Variants in MDGA2 observed in about 807,000 individuals in gnomAD.
The protein encoded by MDGA2 is MAM domain containing glycosylphosphatidylinositol anchor 2, also known as MAM domain-containing glycosylphosphatidylinositol anchor protein 2.
Under a neutral mutation model 117.8 loss-of-function variants are expected in MDGA2, and 40 were observed. The ratio of observed to expected loss-of-function variants is 0.34; its 90% CI spans 0.26 to 0.44. MDGA2 has a LOEUF of 0.44. MDGA2 is among the 20% of genes least tolerant of loss of function. The pLI is 1.00. For missense variants in MDGA2, 1,123 were observed against 1,250.6 expected (o/e 0.90, Z 1.54); for synonymous variants, 452 against 439.0 (o/e 1.03, Z -0.37).
rs2138254206 is a variant in MDGA2 at position 46,840,434 on chromosome 14, A to T, written c.*1497T>A. On this transcript the variant is annotated 3_prime_UTR_variant, in exon 17 of 17. Coordinates refer to ENST00000399232, the MANE Select transcript of MDGA2 (RefSeq NM_001113498.3). ...TTCATAACCAACAGGTTTAAGTGAA[A>T]TTTACAATGCATTGGAAAACTGGCT... The T allele has an allele frequency of 6.6e-6, 1 of 152,616 alleles. No homozygotes were observed. The highest frequency in any genetic ancestry group is 6.6e-5 in the Admixed American group (1 of 15,252). The allele number at this position is 152,616 out of a possible 1,614,324, so 9.5% of individuals were successfully genotyped here.
At chr14:46,857,972 T>C (rs972454623) in intron 14 of MDGA2, among the ~76,000 whole-genome samples, 3 of 152,006 alleles carry the variant, frequency 2.0e-5, no homozygotes, top group African/African-American at 7.2e-5. Context: ...TCTAACAATA[T>C]TTTCTGCCAC....
intron 1 of MDGA2, among the ~76,000 whole-genome samples, chr14:47,616,184 T>C (rs1004454365): frequency 6.6e-6 from 1 of 152,194 alleles, no homozygotes; most frequent in Non-Finnish European, 1.5e-5. Flanking sequence ...GCCATTACTG[T>C]CAAATTTGAC....
chr14:47,163,760 A>G (rs1329490980), intron 3 of MDGA2, among the ~76,000 whole-genome samples: 1 of 152,200 alleles, frequency 6.6e-6, no homozygotes, highest in Non-Finnish European at 1.5e-5. Context: ...CTAGTCCCAT[A>G]ATTCATTGGT....
intron 6 of MDGA2, among the ~76,000 whole-genome samples, chr14:47,091,251 C>T (rs1229108940): frequency 6.6e-6 from 1 of 152,126 alleles, no homozygotes; most frequent in Non-Finnish European, 1.5e-5. Flanking sequence ...TCTCACTAAA[C>T]ACATGTTTAT....
chr14:47,550,099 C>T (rs1895552198), intron 1 of MDGA2, among the ~76,000 whole-genome samples: 1 of 152,174 alleles, frequency 6.6e-6, no homozygotes. Context: ...CTTTTGTCCT[C>T]ATGATTTCAA....
chr14:46,965,636 C>G (rs60317871), intron 8 of MDGA2, among the ~76,000 whole-genome samples: 17,918 of 152,034 alleles, frequency 0.12, 2,007 homozygotes, highest in African/African-American at 0.27. Context: ...ATAGATGGTT[C>G]ATTTTAAGCA....
At chr14:46,945,699 C>T (rs997028331) in intron 9 of MDGA2, among the ~76,000 whole-genome samples, 11 of 152,088 alleles carry the variant, frequency 7.2e-5, no homozygotes, top group African/African-American at 1.9e-4. Context: ...TGCTCATATA[C>T]AGCAAATTCC....
intron 3 of MDGA2, chr14:47,200,710 C>T (rs542349107): frequency 1.1e-6 from 1 of 930,228 alleles, no homozygotes. Context: ...TCTCCTTCCT[C>T]TTCTCCTGCA....
chr14:47,653,573 A>G (rs1387890652), intron 1 of MDGA2, among the ~76,000 whole-genome samples: 1 of 152,180 alleles, frequency 6.6e-6, no homozygotes, highest in Non-Finnish European at 1.5e-5. Context: ...AAACCTCGCC[A>G]AAAGAAGTTC....
At position 46,882,009 on chromosome 14, in the gene MDGA2, TATAA is replaced by T. The variant is rs570544571; in HGVS notation, c.2416+31_2416+34del. The stretch of plus-strand genomic sequence containing the variant: ...CCAAAATTTTCCATATAGTTAAATA[TATAA>T]ATAAATAATTTTAAATGAAAGGCTA... On this transcript the variant is annotated intron_variant, in intron 11 of 16. Coordinates refer to ENST00000399232, the MANE Select transcript of MDGA2 (RefSeq NM_001113498.3). 5.1e-4 allele frequency: 716 copies of T among 1,406,102 alleles called. 2 individuals are homozygous for T. Among genetic ancestry groups the T allele is most frequent in the Middle Eastern group, 2.5e-3 (10 of 3,942 alleles). 87.1% of individuals were successfully genotyped at this position (1,406,102 alleles called of 1,614,324 possible).
At chr14:47,105,235 A>G (rs1037629534) in intron 5 of MDGA2, among the ~76,000 whole-genome samples, 5 of 152,046 alleles carry the variant, frequency 3.3e-5, no homozygotes, top group East Asian at 1.9e-4. Context: ...GAAGCCCCCA[A>G]TTGCTTATTT....
chr14:46,894,943 A>C (rs943431139), intron 10 of MDGA2, among the ~76,000 whole-genome samples: 3 of 152,150 alleles, frequency 2.0e-5, no homozygotes, highest in Non-Finnish European at 4.4e-5. Context: ...TCAACCTAAA[A>C]ATTAATTTTG....
chr14:47,155,432 G>C (rs1422673001), intron 3 of MDGA2, among the ~76,000 whole-genome samples: 1 of 152,112 alleles, frequency 6.6e-6, no homozygotes, highest in Non-Finnish European at 1.5e-5. Context: ...CCCCAAGCCA[G>C]AGCTGTGACA....
At chr14:47,157,593 A>T (rs1883441931) in intron 3 of MDGA2, among the ~76,000 whole-genome samples, 1 of 125,182 alleles carries the variant, frequency 8.0e-6, no homozygotes, top group Non-Finnish European at 1.6e-5. Context: ...CTATGTACAT[A>T]TATGTGTGTG....
intron 10 of MDGA2, among the ~76,000 whole-genome samples, chr14:46,911,105 T>G (rs1883684105): frequency 6.6e-6 from 1 of 152,134 alleles, no homozygotes; most frequent in African/African-American, 2.4e-5. Context: ...GAAACAAGTT[T>G]ACCCATATAA....
intron 2 of MDGA2, among the ~76,000 whole-genome samples, chr14:47,273,926 T>C (rs754655012): frequency 3.3e-5 from 5 of 152,114 alleles, no homozygotes; most frequent in African/African-American, 4.8e-5. Context: ...TGAGGAACTT[T>C]TATGTCAACA....
At chr14:47,136,874 G>A (rs1882484013) in intron 4 of MDGA2, among the ~76,000 whole-genome samples, 1 of 152,176 alleles carries the variant, frequency 6.6e-6, no homozygotes, top group Non-Finnish European at 1.5e-5. Context: ...AGGGTAGCCT[G>A]CAAGATAGAT....
chr14:47,079,857 G>A (rs528162876), intron 6 of MDGA2, among the ~76,000 whole-genome samples: 174 of 147,668 alleles, frequency 1.2e-3, no homozygotes, highest in Non-Finnish European at 1.9e-3. Context: ...TCAGCCTCCC[G>A]AGTAGCTGGG....
At chr14:46,930,351 T>A (rs550478919) in intron 9 of MDGA2, among the ~76,000 whole-genome samples, 7 of 152,240 alleles carry the variant, frequency 4.6e-5, no homozygotes, top group South Asian at 2.1e-4. Flanking sequence ...ATATTTTTTT[T>A]AAAAGCCAAA....
Sources: gnomAD v4.1 joint callset for allele counts (sites outside exome capture counted in the v4.1 genomes callset) on GRCh38, gnomAD v4.1.1 for gene constraint, MANE v1.5 for transcripts, NCBI Gene and HGNC (gene_info 2026-07-23, HGNC 2026-07-21) for gene names.